Variants in PDE7B observed in about 807,000 individuals in gnomAD.
PDE7B encodes phosphodiesterase 7B, also known as 3',5'-cyclic-AMP phosphodiesterase 7B.
A neutral mutation model predicts 56.2 loss-of-function variants in PDE7B; 29 were observed. The ratio of observed to expected loss-of-function variants is 0.52; its 90% CI spans 0.38 to 0.70. The LOEUF (loss-of-function observed/expected upper bound fraction) is 0.70. Ranked by LOEUF, PDE7B falls within the 30% of genes least tolerant of loss-of-function variation. The pLI is 0.00. For missense variants in PDE7B, 490 were observed against 565.0 expected, an observed-to-expected ratio of 0.87 and a Z score of 1.35; for synonymous variants, 197 against 196.9, an observed-to-expected ratio of 1.00 and a Z score of 0.00.
Position 136,091,968 on chromosome 6 carries a change from A to C in PDE7B, c.83-16763A>C, listed in dbSNP as rs534367190. Among the ~76,000 whole-genome samples, 3 of 152,382 alleles carry C rather than the reference A, an allele frequency of 2.0e-5. No homozygotes were observed. In the South Asian group the frequency reaches 6.2e-4, roughly 32 times the overall value. ...ATCCATTCAACAGTTACAATTATAC[A>C]TATAGGAGTAAAGCCATAAGCAGTA... On this transcript the variant is annotated intron_variant, in intron 2 of 12. Coordinates refer to ENST00000308191, the MANE Select transcript of PDE7B (RefSeq NM_018945.4).
At chr6:135,992,978 T>C (rs997527118) in intron 2 of PDE7B, 5 of 152,226 alleles carry the variant, frequency 3.3e-5, no homozygotes, top group Non-Finnish European at 5.9e-5. Flanking sequence ...GAAAATTCAG[T>C]GACTTGCCCA....
intron 1 of PDE7B, among the ~76,000 whole-genome samples, chr6:135,931,002 C>T (rs150894699): frequency 1.3e-5 from 2 of 152,284 alleles, no homozygotes; most frequent in Non-Finnish European, 2.9e-5. Context: ...ATATTTGAAA[C>T]ATCAGATGTT....
chr6:136,115,464 A>G (rs914698958), intron 3 of PDE7B, among the ~76,000 whole-genome samples: 1 of 152,166 alleles, frequency 6.6e-6, no homozygotes, highest in African/African-American at 2.4e-5. Context: ...AACTAGATAA[A>G]AGTGTTATTG....
At chr6:136,131,732 T>C (rs1366173031) in intron 3 of PDE7B, among the ~76,000 whole-genome samples, 4 of 152,158 alleles carry the variant, frequency 2.6e-5, no homozygotes, top group Admixed American at 2.6e-4. Context: ...CCACAAGTGA[T>C]TATTTATTCC....
At chr6:135,949,142 T>A (rs995056686) in intron 2 of PDE7B, among the ~76,000 whole-genome samples, 4 of 152,096 alleles carry the variant, frequency 2.6e-5, no homozygotes, top group African/African-American at 9.6e-5. Context: ...TGCAGGTACC[T>A]TACTACCACT....
intron 2 of PDE7B, among the ~76,000 whole-genome samples, chr6:136,079,291 A>G (rs1777170822): frequency 6.6e-6 from 1 of 152,212 alleles, no homozygotes; most frequent in Non-Finnish European, 1.5e-5. Flanking sequence ...TCTCCGTTTG[A>G]AAAACCGTCA....
chr6:135,934,440 A>G (rs1168642543), intron 1 of PDE7B, among the ~76,000 whole-genome samples: 1 of 151,916 alleles, frequency 6.6e-6, no homozygotes, highest in Non-Finnish European at 1.5e-5. Flanking sequence ...ATATATATAT[A>G]TTCGGGCCCA....
At chr6:136,046,938 A>G (rs1401686231) in intron 2 of PDE7B, among the ~76,000 whole-genome samples, 1 of 152,198 alleles carries the variant, frequency 6.6e-6, no homozygotes, top group Non-Finnish European at 1.5e-5. Context: ...TTCTTGCTAT[A>G]ATATTCCAAA....
intron 11 of PDE7B, among the ~76,000 whole-genome samples, chr6:136,181,694 G>A (rs902855022): frequency 6.6e-6 from 1 of 151,784 alleles, no homozygotes. Flanking sequence ...AATGTCATTT[G>A]AGGTCAATGT....
At chr6:136,090,063 T>C (rs1474633153) in intron 2 of PDE7B, among the ~76,000 whole-genome samples, 1 of 152,168 alleles carries the variant, frequency 6.6e-6, no homozygotes, top group African/African-American at 2.4e-5. Flanking sequence ...TAGATTGTTG[T>C]GGGTTTTTTT....
In PDE7B at chr6:136,061,149, T is replaced by C. The variant is rs186632792; in HGVS notation, c.83-47582T>C. Among the ~76,000 whole-genome samples the C allele has an allele frequency of 1.2e-4, 18 of 152,216 alleles. No individual in the cohort carries two copies. In the East Asian group the frequency reaches 3.1e-3, roughly 26 times the overall value. On this transcript the variant is annotated intron_variant, in intron 2 of 12. Transcript: ENST00000308191. ...TTATTTTCAAATGAATCAATATTAG[T>C]GTCAATGGCATTGTTTGCAGGCGTC... is the stretch of plus-strand genomic sequence containing the variant.
intron 1 of PDE7B, among the ~76,000 whole-genome samples, chr6:135,883,340 A>G (rs1008330570): frequency 6.6e-6 from 1 of 152,162 alleles, no homozygotes; most frequent in Non-Finnish European, 1.5e-5. Context: ...ACATTTGCTT[A>G]TGTTTTCTGC....
At chr6:135,924,024 T>C (rs916906709) in intron 1 of PDE7B, among the ~76,000 whole-genome samples, 2 of 152,190 alleles carry the variant, frequency 1.3e-5, no homozygotes, top group African/African-American at 4.8e-5. Context: ...GCTTATCAAG[T>C]TGACAAATTT....
rs71006787 is a variant in PDE7B, at chr6:136,148,470, AAGGCAGGCAGGC to A, written c.319-599_319-588del. ...GTGGGAGGGAGGGAGGGAAGGAAGG[AAGGCAGGCAGGC>A]AGGCAGGCAGGCAGGCAACTAATAT... On this transcript the variant is annotated intron_variant, in intron 4 of 12. Coordinates refer to ENST00000308191, the MANE Select transcript of PDE7B (RefSeq NM_018945.4). 1.2e-3 allele frequency among the ~76,000 whole-genome samples: 161 copies of A among 130,240 alleles called. 1 individual carries two copies. Among genetic ancestry groups the A allele is most frequent in the African/African-American group, 4.4e-3 (149 of 34,034 alleles). The allele number at this position is 130,240 out of a possible 152,430, so 85.4% of individuals were successfully genotyped here. A position where few individuals can be genotyped will look rare whatever the true frequency, so the allele number is the denominator to read the frequency against.
intron 11 of PDE7B, among the ~76,000 whole-genome samples, 164 bp from the exon 12 acceptor site, chr6:136,186,872 G>A (rs1779152969): frequency 6.6e-6 from 1 of 152,222 alleles, no homozygotes; most frequent in Non-Finnish European, 1.5e-5. Flanking sequence ...AACTACTGAA[G>A]TAAGGCAGAG....
At chr6:136,118,426 T>C (rs1202331754) in intron 3 of PDE7B, among the ~76,000 whole-genome samples, 1 of 152,232 alleles carries the variant, frequency 6.6e-6, no homozygotes, top group Non-Finnish European at 1.5e-5. Context: ...CCAGGAATAT[T>C]TGGGAACCAC....
At chr6:135,906,810 GTTTTTTTTTTT>G (rs869049424) in intron 1 of PDE7B, among the ~76,000 whole-genome samples, 3 of 59,506 alleles carry the variant, frequency 5.0e-5, no homozygotes, top group Non-Finnish European at 6.0e-5. Context: ...AATGAGGTTT[GTTTTTTTTTTT>G]TTTTTTTTTT....
chr6:135,955,324 G>A (rs1415831918), intron 2 of PDE7B, among the ~76,000 whole-genome samples: 2 of 151,982 alleles, frequency 1.3e-5, no homozygotes, highest in Non-Finnish European at 2.9e-5. Flanking sequence ...AAGACCTTGT[G>A]CAAGACATGG....
At position 135,991,447 on chromosome 6, in the gene PDE7B, A is replaced by G. The variant is rs896712171; in HGVS notation, c.82+43923A>G. Among the ~76,000 whole-genome samples the G allele has an allele frequency of 2.6e-5, 4 of 152,214 alleles. No individual in the cohort carries two copies. The South Asian group carries it at 6.2e-4, about 24-fold the overall frequency. On this transcript the variant is annotated intron_variant, in intron 2 of 12. Coordinates refer to ENST00000308191, the MANE Select transcript of PDE7B (RefSeq NM_018945.4). ...CAATTAAAATAAAATTTTTAAAAAA[A>G]GAAAGAAAAAGATAGTTCTCTTACT...
Sources: allele counts gnomAD v4.1 joint callset (sites outside exome capture counted in the v4.1 genomes callset), GRCh38; gene constraint gnomAD v4.1.1; transcripts MANE v1.5; gene names NCBI Gene and HGNC (gene_info 2026-07-23, HGNC 2026-07-21).